Variants in CADPS2 observed in about 807,000 individuals in gnomAD.
CADPS2 encodes the protein calcium dependent secretion activator 2.
In CADPS2, 93 loss-of-function variants were observed where a neutral mutation model predicts 172.5. That is an observed-to-expected ratio of 0.54 (90% confidence interval 0.46 to 0.64). The LOEUF is 0.64. Ranked by LOEUF, CADPS2 falls within the 30% of genes least tolerant of loss-of-function variation. The pLI is 0.00. For missense variants in CADPS2, 1,420 were observed against 1,565.9 expected (o/e 0.91, Z 1.57); for synonymous variants, 546 against 555.2 (o/e 0.98, Z 0.23).
At chr7:122,831,187 A>ATTG (rs1179113881) in intron 1 of CADPS2, among the ~76,000 whole-genome samples, 1 of 152,120 alleles carries the variant, frequency 6.6e-6, no homozygotes, top group African/African-American at 2.4e-5. Context: ...TATTATTATT[A>ATTG]TTCAACTCCT....
Position 122,490,211 on chromosome 7 carries a change from A to G in CADPS2, c.1722T>C (p.Asp574=). 1 of 1,613,436 alleles carries G rather than the reference A, an allele frequency of 6.2e-7. No homozygotes were observed. The highest frequency in any genetic ancestry group is 8.5e-7 in the Non-Finnish European group (1 of 1,179,562). ...EGDTVIFASD[D]EQDRILWVQA... is the part of the protein sequence containing the mutation. ...GAACCCATAATATTCTGTCCTGTTC[A>G]TCATCACTGGCAAAGATTACAGTAT... Residue 574 remains aspartate (D), a synonymous_variant, in exon 11 of 30, where the codon GAT becomes GAC. Coordinates refer to ENST00000449022, the MANE Select transcript of CADPS2 (RefSeq NM_017954.11).
intron 1 of CADPS2, among the ~76,000 whole-genome samples, chr7:122,768,600 G>C (rs2093623144): frequency 6.6e-6 from 1 of 151,904 alleles, no homozygotes; most frequent in Non-Finnish European, 1.5e-5. Context: ...GCCTAAAAAG[G>C]AATCAAAATA....
chr7:122,633,981 A>ACAG (rs2076817220), intron 3 of CADPS2, among the ~76,000 whole-genome samples: 1 of 152,096 alleles, frequency 6.6e-6, no homozygotes, highest in Non-Finnish European at 1.5e-5. Flanking sequence ...TATGTGGTGA[A>ACAG]TTATCTTTAT....
At chr7:122,608,701 C>T (rs879589668) in intron 6 of CADPS2, among the ~76,000 whole-genome samples, 2 of 152,120 alleles carry the variant, frequency 1.3e-5, no homozygotes, top group African/African-American at 2.4e-5. Context: ...CATTAATCTT[C>T]AAATGCTTTT....
intron 28 of CADPS2, among the ~76,000 whole-genome samples, chr7:122,329,405 G>C (rs1169350850): frequency 6.6e-6 from 1 of 152,160 alleles, no homozygotes; most frequent in Non-Finnish European, 1.5e-5. Context: ...CTCTGCTCTT[G>C]GGGCCGGGGA....
At chr7:122,572,495 T>G (rs17381814) in intron 7 of CADPS2, among the ~76,000 whole-genome samples, 30,502 of 152,108 alleles carry the variant, frequency 0.2, 4,050 homozygotes, top group Non-Finnish European at 0.3. Context: ...AATGTTTTTA[T>G]AGCAAAATTT....
intron 1 of CADPS2, among the ~76,000 whole-genome samples, chr7:122,769,064 G>A (rs2093636161): frequency 6.6e-6 from 1 of 152,184 alleles, no homozygotes; most frequent in African/African-American, 2.4e-5. Flanking sequence ...TTTAATGTGA[G>A]ATACAGACCA....
intron 2 of CADPS2, among the ~76,000 whole-genome samples, chr7:122,706,180 CAT>C (rs199683423): frequency 0.17 from 3,633 of 21,248 alleles, 1,215 homozygotes; most frequent in Middle Eastern, 0.38. Context: ...TCAAGGAATA[CAT>C]ATATATGCTT....
chr7:122,861,574 T>C (rs1337148007), intron 1 of CADPS2, among the ~76,000 whole-genome samples: 1 of 152,230 alleles, frequency 6.6e-6, no homozygotes, highest in Non-Finnish European at 1.5e-5. Context: ...TTTCCTTTGC[T>C]GTGCAGAAGC....
chr7:122,413,378 G>A (rs553319664), intron 19 of CADPS2, among the ~76,000 whole-genome samples: 23 of 152,308 alleles, frequency 1.5e-4, no homozygotes, highest in Non-Finnish European at 3.2e-4. Flanking sequence ...TGAGAAGAGA[G>A]GTTGAGAGGC....
At chr7:122,462,822 G>GAACA (rs1290694475) in intron 14 of CADPS2, among the ~76,000 whole-genome samples, 1 of 152,056 alleles carries the variant, frequency 6.6e-6, no homozygotes, top group Non-Finnish European at 1.5e-5. Flanking sequence ...CTTGAACACA[G>GAACA]AACAGCCTTG....
chr7:122,362,242 T>C (rs2040248715), intron 25 of CADPS2, among the ~76,000 whole-genome samples: 1 of 152,108 alleles, frequency 6.6e-6, no homozygotes, highest in Admixed American at 6.5e-5. Context: ...ATAAGGATCA[T>C]CCCTGCTTCC....
At chr7:122,320,450 A>G in intron 29 of CADPS2, 112 bp from the exon 30 acceptor site, 1 of 735,988 alleles carries the variant, frequency 1.4e-6, no homozygotes, top group Admixed American at 3.0e-5. Flanking sequence ...TGATAGGTTC[A>G]TGTGGCTGTC....
chr7:122,535,591 C>T (rs1395830181), intron 8 of CADPS2, among the ~76,000 whole-genome samples: 3 of 151,968 alleles, frequency 2.0e-5, no homozygotes, highest in Non-Finnish European at 4.4e-5. Context: ...ACAAAACAGG[C>T]ATAATTACCA....
In CADPS2 at chr7:122,721,026, C is replaced by G. The variant is rs949681240; in HGVS notation, c.453+15929G>C. On this transcript the variant is annotated intron_variant, in intron 2 of 29. Coordinates refer to ENST00000449022, the MANE Select transcript of CADPS2 (RefSeq NM_017954.11). ...TCATGAGAAATTCATGTATCAATTT[C>G]TGTGTGCATAATATTTTCATTTTGA... 9.2e-5 allele frequency among the ~76,000 whole-genome samples: 14 copies of G among 152,118 alleles called. No individual in the cohort carries two copies. In the East Asian group the frequency reaches 2.7e-3, roughly 29 times the overall value.
chr7:122,349,202 A>G (rs921188016), intron 27 of CADPS2, among the ~76,000 whole-genome samples: 3 of 152,146 alleles, frequency 2.0e-5, no homozygotes, highest in Non-Finnish European at 4.4e-5. Context: ...GTGGCCGGTT[A>G]AACTTCAACA....
chr7:122,633,162 T>C (rs938000367), intron 3 of CADPS2, among the ~76,000 whole-genome samples: 5 of 152,170 alleles, frequency 3.3e-5, no homozygotes, highest in African/African-American at 9.6e-5. Flanking sequence ...TTGCTTAGGA[T>C]AGTTTTGCCT....
At chr7:122,705,383 G>A (rs1484534968) in intron 2 of CADPS2, among the ~76,000 whole-genome samples, 1 of 145,458 alleles carries the variant, frequency 6.9e-6, no homozygotes, top group Non-Finnish European at 1.5e-5. Context: ...GTTGAATTTT[G>A]CAGGTAGGTT....
rs78516916 is a variant in CADPS2, at chr7:122,656,696, G to A, written c.786+6541C>T. The stretch of plus-strand genomic sequence containing the variant: ...GTGACAGCTAAAAGAGCTGCAGGAT[G>A]TAGACTTTCCCTGGGGCAGAGTCCT... On this transcript the variant is annotated intron_variant, in intron 3 of 29. Coordinates refer to ENST00000449022, the MANE Select transcript of CADPS2 (RefSeq NM_017954.11). Among the ~76,000 whole-genome samples the A allele has an allele frequency of 1.0e-3, 154 of 152,282 alleles. 1 individual carries two copies. The highest frequency in any genetic ancestry group is 3.5e-3 in the African/African-American group (146 of 41,560).
Sources: gnomAD v4.1 joint callset for allele counts (sites outside exome capture counted in the v4.1 genomes callset) on GRCh38, gnomAD v4.1.1 for gene constraint, MANE v1.5 for transcripts, NCBI Gene and HGNC (gene_info 2026-07-23, HGNC 2026-07-21) for gene names.